ERG28: variants seen among roughly 807,000 people sequenced by gnomAD.
The protein encoded by ERG28 is ergosterol biosynthesis 28 homolog.
In ERG28, 9 loss-of-function variants were observed where a neutral mutation model predicts 15.7. The ratio of observed to expected loss-of-function variants is 0.57; its 90% CI spans 0.35 to 1.00. The LOEUF is 1.00. Among genes scored for constraint, ERG28 ranks in the 50% least tolerant of loss-of-function variants. The pLI, the probability that ERG28 is intolerant of heterozygous loss-of-function variation, is 0.02. For synonymous variants in ERG28, 61 were observed against 68.4 expected, an observed-to-expected ratio of 0.89 and a Z score of 0.53; for missense variants, 117 against 173.3, an observed-to-expected ratio of 0.68 and a Z score of 1.82.
intron 3 of ERG28, among the ~76,000 whole-genome samples, chr14:75,652,558 AT>A (rs1483415213): frequency 7.9e-5 from 12 of 152,236 alleles, no homozygotes; most frequent in Non-Finnish European, 1.6e-4. Context: ...TTAGTATAAA[AT>A]TTTTTAAAAT....
chr14:75,650,452 A>T lies in ERG28; in HGVS notation c.*1103T>A, dbSNP rs1890508471. On this transcript the variant is annotated 3_prime_UTR_variant, in exon 5 of 5. Transcript: ENST00000256319. ...AATAGCAATGGCCTTTTGGATACACACACTGTGTATGAGGGTCCAGCTGGG... is the reference window on the plus strand; with the variant it reads ...AATAGCAATGGCCTTTTGGATACACTCACTGTGTATGAGGGTCCAGCTGGG... 1 of 152,232 alleles carries T rather than the reference A, an allele frequency of 6.6e-6. No individual in the cohort carries two copies. The highest frequency in any genetic ancestry group is 1.5e-5 in the Non-Finnish European group (1 of 68,050). 9.4% of individuals were successfully genotyped at this position (152,232 alleles called of 1,614,324 possible).
chr14:75,654,372 C>T (rs1890570144), intron 3 of ERG28, among the ~76,000 whole-genome samples: 1 of 152,172 alleles, frequency 6.6e-6, no homozygotes, highest in Admixed American at 6.5e-5. Context: ...ATTGTTCCAC[C>T]CTGGTCTGTT....
intron 1 of ERG28, among the ~76,000 whole-genome samples, chr14:75,658,892 C>A (rs551192287): frequency 6.6e-6 from 1 of 152,186 alleles, no homozygotes; most frequent in Non-Finnish European, 1.5e-5. Flanking sequence ...AGCCTCTTTT[C>A]CTTTTTTCCA....
At chr14:75,653,014 G>C (rs1890549313) in intron 3 of ERG28, among the ~76,000 whole-genome samples, 1 of 151,658 alleles carries the variant, frequency 6.6e-6, no homozygotes, top group Non-Finnish European at 1.5e-5. Flanking sequence ...AGTAGAGATG[G>C]GGTTTCGCCA....
At chr14:75,654,234 T>G (rs753177482) in intron 3 of ERG28, among the ~76,000 whole-genome samples, 4 of 152,238 alleles carry the variant, frequency 2.6e-5, no homozygotes, top group African/African-American at 4.8e-5. Context: ...GAAGTTGGCA[T>G]TCAGATAGCC....
chr14:75,650,948 C>T lies in ERG28; in HGVS notation c.*607G>A, dbSNP rs1301134049. ...AAAGTTGTTACACAAATACAGCTGA[C>T]CAGAAGGTCTAAAAACAGCCCAGAC... is the stretch of plus-strand genomic sequence containing the variant. On this transcript the variant is annotated 3_prime_UTR_variant, in exon 5 of 5. Coordinates refer to ENST00000256319, the MANE Select transcript of ERG28 (RefSeq NM_007176.4). 1.3e-5 allele frequency: 2 copies of T among 152,606 alleles called. No individual in the cohort carries two copies. Among genetic ancestry groups the T allele is most frequent in the African/African-American group, 4.8e-5 (2 of 41,438 alleles). 9.5% of individuals were successfully genotyped at this position (152,606 alleles called of 1,614,324 possible). A position where few individuals can be genotyped will look rare whatever the true frequency, so the allele number is the denominator to read the frequency against.
intron 1 of ERG28, among the ~76,000 whole-genome samples, chr14:75,659,200 T>C (rs1017577409): frequency 6.6e-6 from 1 of 152,236 alleles, no homozygotes; most frequent in African/African-American, 2.4e-5. Flanking sequence ...ATAAGAATCA[T>C]GGTCTGCTGG....
chr14:75,654,900 G>A lies in ERG28; in HGVS notation c.210C>T (p.Asp70=), dbSNP rs753886025. ...SSVIRCLCAI[D]IHNKTLYHIT... ...CCCTTACATACGTCTTGTTGTGAAT[G>A]TCAATGGCACAGAGGCAGCGAATCA... Residue 70 remains aspartate (D), a synonymous_variant, in exon 3 of 5, where the codon GAC becomes GAT. Transcript: ENST00000256319. 4 of 1,613,586 alleles carry A rather than the reference G, an allele frequency of 2.5e-6. No homozygotes were observed. The Admixed American group carries it at 5.0e-5, about 20-fold the overall frequency.
rs765016161 is a variant in ERG28, at chr14:75,654,918, G to A, written c.192C>T (p.Arg64=). 4 of 1,614,118 alleles carry A rather than the reference G, an allele frequency of 2.5e-6. No homozygotes were observed. The highest frequency in any genetic ancestry group is 2.2e-5 in the East Asian group (1 of 44,892). The change falls in exon 3 of 5, where the codon CGC becomes CGT. Residue 64 remains arginine, a synonymous_variant. Transcript: ENST00000256319. ...GIWTLLSSVI[R]CLCAIDIHNK... The stretch of plus-strand genomic sequence containing the variant: ...TGTGAATGTCAATGGCACAGAGGCA[G>A]CGAATCACTGATGAGAGCAGCGTCC...
chr14:75,657,523 G>A lies in ERG28; in HGVS notation c.-21C>T. ...CTCATGACTCCCCTCAAACGTGGGA[G>A]GGCTTTTTGCCTTGGAAACAAAGGC... On this transcript the variant is annotated 5_prime_UTR_variant, in exon 2 of 5. Transcript: ENST00000256319. 6.2e-7 allele frequency: 1 copy of A among 1,613,556 alleles called. No homozygotes were observed.
intron 2 of ERG28, 132 bp downstream of exon 2, chr14:75,657,238 G>A (rs1263631233): frequency 1.8e-6 from 2 of 1,134,560 alleles, no homozygotes; most frequent in African/African-American, 3.1e-5. Context: ...AATAGGTTTG[G>A]TGAGGGAAAT....
intron 2 of ERG28, among the ~76,000 whole-genome samples, chr14:75,656,374 C>T (rs1002614426): frequency 6.6e-6 from 1 of 151,942 alleles, no homozygotes; most frequent in Non-Finnish European, 1.5e-5. Context: ...CTCTGGACCT[C>T]TTTGCCTCAA....
chr14:75,659,168 C>G (rs1193770322), intron 1 of ERG28, among the ~76,000 whole-genome samples: 1 of 152,144 alleles, frequency 6.6e-6, no homozygotes, highest in Admixed American at 6.5e-5. Flanking sequence ...TAAGGTCACA[C>G]AGCAAAGTTG....
intron 2 of ERG28, among the ~76,000 whole-genome samples, chr14:75,655,719 C>T (rs1279944345): frequency 1.3e-5 from 2 of 152,166 alleles, no homozygotes; most frequent in Admixed American, 1.3e-4. Flanking sequence ...GGCCTGGGTA[C>T]CAGACCAACT....
At chr14:75,657,995 G>A (rs183009477) in intron 1 of ERG28, among the ~76,000 whole-genome samples, 64 of 152,180 alleles carry the variant, frequency 4.2e-4, no homozygotes, top group African/African-American at 1.4e-3. Flanking sequence ...TAAACTAGAA[G>A]AACAATCTAA....
chr14:75,657,343 G>C (rs751843869), intron 2 of ERG28, 27 bp downstream of exon 2: 1 of 1,613,422 alleles, frequency 6.2e-7, no homozygotes, highest in Non-Finnish European at 8.5e-7. Flanking sequence ...GTCCTATAAA[G>C]GATGCAGAAA....
rs1037362842 is a variant in ERG28, at chr14:75,660,789, C to G, written c.-46G>C. 6.5e-6 allele frequency: 1 copy of G among 153,018 alleles called. No individual in the cohort carries two copies. The highest frequency in any genetic ancestry group is 1.5e-5 in the Non-Finnish European group (1 of 68,784). 9.5% of individuals were successfully genotyped at this position (153,018 alleles called of 1,614,324 possible). On this transcript the variant is annotated 5_prime_UTR_variant, in exon 1 of 5. Transcript: ENST00000256319. ...ATTCTCCTTACCTGGCGACCGGGCC[C>G]CCAGCACAGCAGTGGCAGCAGCAGC...
chr14:75,653,468 G>A (rs1292128908), intron 3 of ERG28, among the ~76,000 whole-genome samples: 1 of 152,078 alleles, frequency 6.6e-6, no homozygotes, highest in Non-Finnish European at 1.5e-5. Flanking sequence ...GGGGCATGGT[G>A]GTGCGCGCCT....
intron 1 of ERG28, among the ~76,000 whole-genome samples, chr14:75,658,023 CT>C (rs140717284): frequency 0.011 from 1,689 of 152,252 alleles, 31 homozygotes; most frequent in African/African-American, 0.039. Context: ...AAATAAACTG[CT>C]GTGTGTCAAC....
Sources: allele counts gnomAD v4.1 joint callset (sites outside exome capture counted in the v4.1 genomes callset), GRCh38; gene constraint gnomAD v4.1.1; transcripts MANE v1.5; gene names NCBI Gene and HGNC (gene_info 2026-07-23, HGNC 2026-07-21).